DIP2C: variants seen among roughly 807,000 people sequenced by gnomAD.
DIP2C encodes the protein DIP2 acetate--CoA ligase C (putative).
In DIP2C, 33 loss-of-function variants were observed where a neutral mutation model predicts 192.4. That is an observed-to-expected ratio of 0.17 (90% CI 0.13 to 0.23). DIP2C has a LOEUF of 0.23. Ranked by LOEUF, DIP2C falls within the 10% of genes least tolerant of loss-of-function variation. The probability of loss-of-function intolerance (pLI) is 1.00; values close to 1 mark genes in which losing one functional copy is unlikely to be tolerated. For synonymous variants in DIP2C, 979 were observed against 864.1 expected (o/e 1.13, Z -2.33); for missense variants, 1,537 against 2,110.1 (o/e 0.73, Z 5.32).
At chr10:326,889 G>C in intron 31 of DIP2C, 117 bp downstream of exon 31, 1 of 1,274,306 alleles carries the variant, frequency 7.8e-7, no homozygotes, top group Non-Finnish European at 1.1e-6. Context: ...GTGACTGAAA[G>C]ATCTCTTCTG....
rs781650545 is a variant in DIP2C at position 440,886 on chromosome 10, C to T, written c.379G>A (p.Ala127Thr). The part of the protein sequence containing the change: ...RSLVVQTSMD[A>T]YTPPDTSSGS... ...TGTCCCTTACCTGGAGGGGTGTAGG[C>T]GTCCATCGAGGTCTGCACGACCAGG... Residue 127 changes from alanine to threonine, a missense_variant, in exon 4 of 37, where the codon GCC becomes ACC. Ala to Thr is a moderately conservative substitution (Grantham distance 58). This residue lies in a region of DIP2C where 473 missense variants were observed against 539.6 expected (regional missense o/e 0.88). Coordinates refer to ENST00000280886, the MANE Select transcript of DIP2C (RefSeq NM_014974.3). 9 of 1,612,684 alleles carry T rather than the reference C, an allele frequency of 5.6e-6. No homozygotes were observed. The highest frequency in any genetic ancestry group is 4.5e-5 in the East Asian group (2 of 44,874).
chr10:665,385 TAATA>T (rs1159634665), intron 1 of DIP2C: 3 of 152,196 alleles, frequency 2.0e-5, no homozygotes, highest in Non-Finnish European at 2.9e-5. Context: ...GGGGGATAGG[TAATA>T]AATAATTATG....
rs535145173 is a variant in DIP2C, at chr10:662,017, G to A, written c.85+27477C>T. On this transcript the variant is annotated intron_variant, in intron 1 of 36. Coordinates refer to ENST00000280886, the MANE Select transcript of DIP2C (RefSeq NM_014974.3). Reference sequence around the variant, plus strand: ...CTCTCCTCCTCTCGCCATGGCGAGTGCCCCGCAGGAGCCTGGCCTGTCCCC... The same window carrying A: ...CTCTCCTCCTCTCGCCATGGCGAGTACCCCGCAGGAGCCTGGCCTGTCCCC... 5.3e-5 allele frequency: 38 copies of A among 714,612 alleles called. No individual in the cohort carries two copies. The African/African-American group carries it at 5.4e-4, about 10-fold the overall frequency. The allele number at this position is 714,612 out of a possible 1,614,324, so 44.3% of individuals were successfully genotyped here. A position where few individuals can be genotyped will look rare whatever the true frequency, so the allele number is the denominator to read the frequency against.
chr10:634,767 A>G (rs1199831203), intron 1 of DIP2C, among the ~76,000 whole-genome samples: 2 of 151,230 alleles, frequency 1.3e-5, no homozygotes, highest in East Asian at 3.9e-4. Context: ...TAAAAAAAAA[A>G]GAAAAAGAAA....
At chr10:300,287 C>T (rs1227910003) in intron 32 of DIP2C, among the ~76,000 whole-genome samples, 1 of 152,116 alleles carries the variant, frequency 6.6e-6, no homozygotes, top group Admixed American at 6.5e-5. Flanking sequence ...GTGGTATATA[C>T]GTACAAGGAA....
At chr10:317,283 A>G (rs779533491) in intron 31 of DIP2C, among the ~76,000 whole-genome samples, 1 of 152,226 alleles carries the variant, frequency 6.6e-6, no homozygotes, top group Non-Finnish European at 1.5e-5. Context: ...GGTCATCAGG[A>G]CCAGCCAAAC....
intron 4 of DIP2C, among the ~76,000 whole-genome samples, chr10:425,345 A>G (rs1178503236): frequency 1.8e-5 from 2 of 114,176 alleles, no homozygotes; most frequent in Non-Finnish European, 3.5e-5. Context: ...ATACAGCATG[A>G]CCAGCGGTGA....
intron 1 of DIP2C, among the ~76,000 whole-genome samples, chr10:610,424 A>C (rs1410518416): frequency 6.6e-6 from 1 of 152,228 alleles, no homozygotes; most frequent in African/African-American, 2.4e-5. Flanking sequence ...GTGTATTTCA[A>C]AACAGCTAGG....
chr10:422,717 G>C lies in DIP2C; in HGVS notation c.604+107C>G, dbSNP rs1028867019. The C allele has an allele frequency of 2.1e-5, 28 of 1,362,654 alleles. No homozygotes were observed. The African/African-American group carries it at 2.7e-4, about 13-fold the overall frequency. The allele number at this position is 1,362,654 out of a possible 1,614,324, so 84.4% of individuals were successfully genotyped here. A position where few individuals can be genotyped will look rare whatever the true frequency, so the allele number is the denominator to read the frequency against. On this transcript the variant is annotated intron_variant, in intron 5 of 36. Coordinates refer to ENST00000280886, the MANE Select transcript of DIP2C (RefSeq NM_014974.3). ...GCACCCCAGGGGCCAGAGGAGCTCT[G>C]TGCTCTTTCCACCGAGGGATTCCGC...
intron 1 of DIP2C, among the ~76,000 whole-genome samples, chr10:671,998 GACGC>G (rs929184301): frequency 8.9e-5 from 12 of 134,770 alleles, no homozygotes; most frequent in African/African-American, 3.4e-4. Flanking sequence ...ACAGGCCATA[GACGC>G]ACGGACGGAG....
intron 1 of DIP2C, among the ~76,000 whole-genome samples, chr10:543,111 C>T (rs560392518): frequency 6.6e-6 from 1 of 152,344 alleles, no homozygotes; most frequent in East Asian, 1.9e-4. Context: ...TGGTAACTCG[C>T]TGCACAGATA....
At chr10:400,393 G>C (rs910536425) in intron 9 of DIP2C, among the ~76,000 whole-genome samples, 15 of 152,314 alleles carry the variant, frequency 9.8e-5, no homozygotes, top group Non-Finnish European at 2.1e-4. Flanking sequence ...TTCGATGATA[G>C]AGTGTTAATA....
At chr10:424,589 C>G (rs1222947119) in intron 4 of DIP2C, among the ~76,000 whole-genome samples, 1 of 152,148 alleles carries the variant, frequency 6.6e-6, no homozygotes, top group Non-Finnish European at 1.5e-5. Flanking sequence ...TGGTCTCGAA[C>G]TCCTGACCTC....
At chr10:468,177 C>G (rs1970376619) in intron 3 of DIP2C, among the ~76,000 whole-genome samples, 1 of 152,174 alleles carries the variant, frequency 6.6e-6, no homozygotes, top group Non-Finnish European at 1.5e-5. Flanking sequence ...CTCCTCTTAT[C>G]TCACACCTTA....
At chr10:424,399 T>C (rs1206449622) in intron 4 of DIP2C, among the ~76,000 whole-genome samples, 1 of 124,654 alleles carries the variant, frequency 8.0e-6, no homozygotes, top group African/African-American at 3.1e-5. Flanking sequence ...AGAGTCTTCC[T>C]CTGTTGCCCA....
At chr10:445,608 G>A (rs1387379528) in intron 3 of DIP2C, among the ~76,000 whole-genome samples, 1 of 125,618 alleles carries the variant, frequency 8.0e-6, no homozygotes, top group Admixed American at 7.4e-5. Context: ...CTGGGCATCT[G>A]TATACAACTG....
intron 29 of DIP2C, chr10:340,997 A>T: frequency 1.4e-6 from 1 of 728,610 alleles, no homozygotes; most frequent in Non-Finnish European, 2.4e-6. Flanking sequence ...TCCCTGCTGC[A>T]GAAAGTCAAA....
At chr10:457,881 ATC>A (rs1969430511) in intron 3 of DIP2C, among the ~76,000 whole-genome samples, 1 of 152,136 alleles carries the variant, frequency 6.6e-6, no homozygotes, top group South Asian at 2.1e-4. Context: ...AGTGTGGGAC[ATC>A]TTTATGCTGC....
At position 390,002 on chromosome 10, in the gene DIP2C, C is replaced by G. The variant is rs1413860424; in HGVS notation, c.1586G>C (p.Gly529Ala). The G allele has an allele frequency of 6.2e-7, 1 of 1,613,466 alleles. No homozygotes were observed. Among genetic ancestry groups the G allele is most frequent in the Non-Finnish European group, 8.5e-7 (1 of 1,179,612 alleles). The change falls in exon 13 of 37, where the codon GGC becomes GCC. Residue 529 changes from glycine (G) to alanine (A), a missense_variant. By Grantham distance (60) the Gly-to-Ala change is moderately conservative (BLOSUM62 0). Coordinates refer to ENST00000280886, the MANE Select transcript of DIP2C (RefSeq NM_014974.3). ...THCQALTQAC[G>A]YTEAETIVNV... ...GTCTGGCACCCCACCTTCCGTGTAG[C>G]CACACGCCTGCGTCAGGGCCTGGCA...
Sources: allele counts gnomAD v4.1 joint callset (sites outside exome capture counted in the v4.1 genomes callset), GRCh38; gene constraint gnomAD v4.1.1; regional missense constraint gnomAD v4.1.1; transcripts MANE v1.5; gene names NCBI Gene and HGNC (gene_info 2026-07-23, HGNC 2026-07-21).